The following TFEC variants were observed in gnomAD, a reference collection of about 807,000 sequenced individuals.
The protein encoded by TFEC is transcription factor EC.
In TFEC, 31 loss-of-function variants were observed where a neutral mutation model predicts 41.6. That is an observed-to-expected ratio of 0.74 (90% confidence interval 0.56 to 1.01). The LOEUF is 1.01. TFEC is among the 50% of genes least tolerant of loss of function. TFEC has a pLI of 0.00. For missense variants in TFEC, 402 were observed against 404.1 expected (o/e 0.99, Z 0.04); for synonymous variants, 143 against 140.6 (o/e 1.02, Z -0.12).
intron 1 of TFEC, among the ~76,000 whole-genome samples, chr7:116,154,745 C>G (rs575276609): frequency 7.9e-5 from 12 of 152,310 alleles, no homozygotes; most frequent in Non-Finnish European, 1.5e-4. Context: ...CAAACTCTAT[C>G]TTCTAGAATT....
chr7:116,106,368 T>C (rs999728739), intron 3 of TFEC, among the ~76,000 whole-genome samples: 1 of 151,802 alleles, frequency 6.6e-6, no homozygotes. Context: ...TTCAGTTTTT[T>C]GTTTTTTGTT....
chr7:116,044,686 T>C (rs1458365007), intron 3 of TFEC, among the ~76,000 whole-genome samples: 3 of 152,238 alleles, frequency 2.0e-5, no homozygotes, highest in African/African-American at 7.2e-5. Flanking sequence ...AGCCAGATGC[T>C]GGGTATCATT....
chr7:116,133,785 G>T (rs772481221), intron 1 of TFEC, among the ~76,000 whole-genome samples: 8 of 152,016 alleles, frequency 5.3e-5, no homozygotes, highest in Non-Finnish European at 1.0e-4. Context: ...TGTAGTAAAC[G>T]CTAAAACTTT....
chr7:115,949,547 A>G (rs550663737), intron 6 of TFEC, among the ~76,000 whole-genome samples: 3 of 152,302 alleles, frequency 2.0e-5, no homozygotes, highest in East Asian at 3.9e-4. Context: ...ATAATACCGC[A>G]TATATAAAAC....
chr7:116,093,693 C>G (rs760363383), intron 3 of TFEC, among the ~76,000 whole-genome samples: 1 of 152,116 alleles, frequency 6.6e-6, no homozygotes, highest in Non-Finnish European at 1.5e-5. Flanking sequence ...AAATCCCTGT[C>G]TTCTCTGCAA....
chr7:115,994,236 CT>C (rs1436815875), intron 1 of TFEC, among the ~76,000 whole-genome samples: 1 of 152,036 alleles, frequency 6.6e-6, no homozygotes, highest in Non-Finnish European at 1.5e-5. Context: ...AATGTTAGAC[CT>C]AAAACCATAA....
intron 3 of TFEC, among the ~76,000 whole-genome samples, chr7:116,089,637 A>G (rs1422839743): frequency 6.6e-6 from 1 of 152,132 alleles, no homozygotes; most frequent in African/African-American, 2.4e-5. Context: ...AACCTCTCAT[A>G]TAAGGCAGCT....
chr7:115,988,258 G>A (rs1304620814), intron 1 of TFEC, among the ~76,000 whole-genome samples: 1 of 152,022 alleles, frequency 6.6e-6, no homozygotes, highest in Non-Finnish European at 1.5e-5. Flanking sequence ...TGGCATGGAA[G>A]TTAAAATTAT....
intron 6 of TFEC, among the ~76,000 whole-genome samples, chr7:115,947,882 C>G (rs1439177992): frequency 6.6e-6 from 1 of 151,774 alleles, no homozygotes; most frequent in Non-Finnish European, 1.5e-5. Context: ...ACACAAAAAA[C>G]CCTTCAAAAA....
chr7:115,984,603 A>C, intron 1 of TFEC, 90 bp from the exon 2 acceptor site: 1 of 1,438,760 alleles, frequency 7.0e-7, no homozygotes, highest in South Asian at 1.3e-5. Flanking sequence ...GATAATAAAC[A>C]CACTACACTA....
At chr7:115,973,947 G>A (rs1793250256) in intron 3 of TFEC, among the ~76,000 whole-genome samples, 1 of 151,918 alleles carries the variant, frequency 6.6e-6, no homozygotes, top group South Asian at 2.1e-4. Flanking sequence ...ATGTATATAG[G>A]ATTAGACAGA....
chr7:116,107,384 G>A lies in TFEC; in HGVS notation c.198+3324C>T, dbSNP rs540111573. Among the ~76,000 whole-genome samples the A allele has an allele frequency of 3.9e-5, 6 of 152,282 alleles. No individual in the cohort carries two copies. The South Asian group carries it at 1.2e-3, about 32-fold the overall frequency. ...TGACCAGGCCAAGGGCTAGACATGC[G>A]AGCCAGCAAATGTTCCCTAGAATAG... On this transcript the variant is annotated intron_variant, in intron 3 of 8. Transcript: ENST00000484212.
intron 1 of TFEC, among the ~76,000 whole-genome samples, chr7:116,115,373 A>G (rs538874343): frequency 6.6e-6 from 1 of 152,116 alleles, no homozygotes; most frequent in African/African-American, 2.4e-5. Context: ...ACCTAAAGTC[A>G]AGATGTCAGC....
chr7:116,017,733 G>A (rs1178643174), intron 1 of TFEC, among the ~76,000 whole-genome samples: 1 of 152,076 alleles, frequency 6.6e-6, no homozygotes, highest in East Asian at 1.9e-4. Flanking sequence ...CCTACTGCCT[G>A]GAATGCTCTT....
rs984898355 is a variant in TFEC, at chr7:116,000,566, C to A, written c.-72-16053G>T. On this transcript the variant is annotated intron_variant, in intron 1 of 7. Coordinates refer to ENST00000265440, the MANE Select transcript of TFEC (RefSeq NM_012252.4). Reference sequence around the variant, plus strand: ...AACCTAAAGACTCCACACAAAAAAGCTATTAGAACTGATAAATTCAGTAAA... The same window carrying A: ...AACCTAAAGACTCCACACAAAAAAGATATTAGAACTGATAAATTCAGTAAA... Among the ~76,000 whole-genome samples the A allele has an allele frequency of 6.6e-5, 10 of 152,040 alleles. No homozygotes were observed. The South Asian group carries it at 1.2e-3, about 19-fold the overall frequency.
chr7:116,022,142 T>C (rs1251907440), intron 1 of TFEC, among the ~76,000 whole-genome samples: 2 of 152,074 alleles, frequency 1.3e-5, no homozygotes, highest in Non-Finnish European at 2.9e-5. Flanking sequence ...AAGGGAGAGA[T>C]AAGGGAATGG....
chr7:116,141,305 T>C (rs922069626), intron 1 of TFEC, among the ~76,000 whole-genome samples: 5 of 152,102 alleles, frequency 3.3e-5, no homozygotes, highest in African/African-American at 7.3e-5. Flanking sequence ...ATTCTCATGA[T>C]GTTAATGTCA....
At position 115,940,695 on chromosome 7, in the gene TFEC, C is replaced by T. The variant is rs955477297; in HGVS notation, c.900G>A (p.Glu300=). Residue 300 remains glutamate, a synonymous_variant, in exon 8 of 8, where the codon GAG becomes GAA. Coordinates refer to ENST00000265440, the MANE Select transcript of TFEC (RefSeq NM_012252.4). ...ATAGCATGCCATCCAATCTTTGTTC[C>T]TCTTTCAATGCAGCACTAAATGATA... ...TDLSFSAALK[E]EQRLDGMLLD... The T allele has an allele frequency of 1.2e-6, 2 of 1,613,574 alleles. No homozygotes were observed. Among genetic ancestry groups the T allele is most frequent in the Non-Finnish European group, 1.7e-6 (2 of 1,179,638 alleles).
chr7:115,950,128 C>T (rs1318532628), intron 6 of TFEC, among the ~76,000 whole-genome samples: 1 of 151,702 alleles, frequency 6.6e-6, no homozygotes, highest in Non-Finnish European at 1.5e-5. Context: ...TCTCCCACCT[C>T]AGCCTCCTGA....
Sources: allele counts gnomAD v4.1 joint callset (sites outside exome capture counted in the v4.1 genomes callset), GRCh38; gene constraint gnomAD v4.1.1; transcripts MANE v1.5; gene names NCBI Gene and HGNC (gene_info 2026-07-23, HGNC 2026-07-21).